The following LPIN2 variants were observed in gnomAD, a reference collection of about 807,000 sequenced individuals.
LPIN2 encodes the protein phosphatidate phosphatase LPIN2.
LPIN2 carries 55 observed loss-of-function variants against 111.4 expected under a neutral mutation model. The ratio of observed to expected loss-of-function variants is 0.49; its 90% confidence interval spans 0.40 to 0.62. LPIN2 has a LOEUF of 0.62. Ranked by LOEUF, LPIN2 falls within the 20% of genes least tolerant of loss-of-function variation. LPIN2 has a pLI of 0.00. For missense variants in LPIN2, 992 were observed against 1,112.1 expected (o/e 0.89, Z 1.54); for synonymous variants, 425 against 414.0 (o/e 1.03, Z -0.32).
intron 3 of LPIN2, among the ~76,000 whole-genome samples, chr18:2,953,354 G>T (rs537753720): frequency 8.2e-5 from 12 of 146,788 alleles, no homozygotes; most frequent in Middle Eastern, 3.5e-3. Flanking sequence ...ACAAAAAGTG[G>T]TTTTTTTTTT....
At chr18:2,988,371 T>G (rs1567855975) in intron 1 of LPIN2, among the ~76,000 whole-genome samples, 1 of 152,240 alleles carries the variant, frequency 6.6e-6, no homozygotes, top group African/African-American at 2.4e-5. Context: ...AATGCTATAC[T>G]TAAGTGTTAT....
intron 8 of LPIN2, 144 bp from the exon 9 acceptor site, chr18:2,931,587 T>G: frequency 1.3e-6 from 1 of 762,928 alleles, no homozygotes; most frequent in Middle Eastern, 3.5e-4. Context: ...TAACTTTTCT[T>G]AGATAGGGTT....
chr18:3,011,297 T>C (rs373422168), intron 1 of LPIN2, among the ~76,000 whole-genome samples: 2 of 152,224 alleles, frequency 1.3e-5, no homozygotes, highest in African/African-American at 2.4e-5. Flanking sequence ...TGCGTGCCTA[T>C]TGACTCTCGA....
chr18:2,934,453 GT>G lies in LPIN2; in HGVS notation c.1169-4del. The G allele has an allele frequency of 1.3e-6, 2 of 1,588,574 alleles. No individual in the cohort carries two copies. Among genetic ancestry groups the G allele is most frequent in the Non-Finnish European group, 1.7e-6 (2 of 1,157,546 alleles). On this transcript the variant is annotated splice_region_variant and splice_polypyrimidine_tract_variant and intron_variant, in intron 7 of 19. Coordinates refer to ENST00000677752, the MANE Select transcript of LPIN2 (RefSeq NM_001375808.2). ...GTGTTGGCTTCTTTTGTGAACACCT[GT>G]TTAAAAAAAAAATCAGAGGTAAGAA...
At chr18:3,011,413 G>A (rs180920550) in intron 1 of LPIN2, among the ~76,000 whole-genome samples, 133 of 152,136 alleles carry the variant, frequency 8.7e-4, no homozygotes, top group African/African-American at 2.8e-3. Flanking sequence ...TGGCTGGGGC[G>A]GTTGCTCACG....
chr18:2,972,968 T>C (rs896811597), intron 1 of LPIN2, among the ~76,000 whole-genome samples: 1 of 152,122 alleles, frequency 6.6e-6, no homozygotes, highest in Non-Finnish European at 1.5e-5. Flanking sequence ...GACTGGCAAA[T>C]AGAGAGAAAT....
intron 1 of LPIN2, among the ~76,000 whole-genome samples, chr18:2,992,754 C>T (rs535296156): frequency 2.0e-5 from 3 of 151,930 alleles, no homozygotes; most frequent in East Asian, 3.9e-4. Flanking sequence ...GAGGTCGAGG[C>T]GGGCAGATCA....
At chr18:2,958,181 A>C (rs868065688) in intron 2 of LPIN2, among the ~76,000 whole-genome samples, 18 of 147,092 alleles carry the variant, frequency 1.2e-4, no homozygotes, top group African/African-American at 4.0e-4. Context: ...AAACAGAAAA[A>C]AGAAAAAAAA....
rs1346728777 is a variant in LPIN2, at chr18:2,937,707, G to A, written c.1153C>T (p.Pro385Ser). The change falls in exon 7 of 20, where the codon CCG becomes TCG. Residue 385 changes from proline to serine, a missense_variant. Pro to Ser is a moderately conservative substitution (Grantham distance 74). Around this residue, in one of 4 missense-constraint regions of LPIN2, gnomAD observed 709 missense variants for 753.2 expected, o/e 0.94. Coordinates refer to ENST00000677752, the MANE Select transcript of LPIN2 (RefSeq NM_001375808.2). ...AAACGATTACCTTTCTTCTTTGACG[G>A]CGAGTCTACTTTAGCTGCCGGTTTG... ...ESKPAAKVDS[P>S]SKKKGVHKRS... 1 of 1,613,888 alleles carries A rather than the reference G, an allele frequency of 6.2e-7. No homozygotes were observed. Among genetic ancestry groups the A allele is most frequent in the African/African-American group, 1.3e-5 (1 of 74,892 alleles).
intron 4 of LPIN2, chr18:2,946,040 C>T: frequency 2.8e-6 from 4 of 1,405,498 alleles, no homozygotes; most frequent in African/African-American, 1.4e-5. Context: ...CTCTCTAGAC[C>T]CCGATATGTC....
chr18:2,952,909 ATGT>A (rs1296085872), intron 3 of LPIN2, among the ~76,000 whole-genome samples: 1 of 152,248 alleles, frequency 6.6e-6, no homozygotes, highest in Non-Finnish European at 1.5e-5. Flanking sequence ...CTTGAAAAGA[ATGT>A]TGATGACATA....
At chr18:2,997,376 CT>C (rs2078361892) in intron 1 of LPIN2, among the ~76,000 whole-genome samples, 1 of 68,538 alleles carries the variant, frequency 1.5e-5, no homozygotes, top group African/African-American at 3.4e-5. Flanking sequence ...ATCCACCCTC[CT>C]CAGCCTCCCA....
chr18:3,010,687 T>C lies in LPIN2; in HGVS notation c.-10+2400A>G, dbSNP rs8094046. 9.6e-3 allele frequency among the ~76,000 whole-genome samples: 1,459 copies of C among 152,264 alleles called. 21 individuals are homozygous for C. Among genetic ancestry groups the C allele is most frequent in the African/African-American group, 0.033 (1,372 of 41,530 alleles). The stretch of plus-strand genomic sequence containing the variant: ...TTAAAGAAAAGCCTCTTGATGTAAA[T>C]TGCTAAGCACCTACGGGAGATAACC... On this transcript the variant is annotated intron_variant, in intron 1 of 19. Transcript: ENST00000677752.
intron 1 of LPIN2, among the ~76,000 whole-genome samples, chr18:2,971,088 G>C (rs1392968628): frequency 2.0e-5 from 3 of 152,080 alleles, no homozygotes; most frequent in Non-Finnish European, 2.9e-5. Flanking sequence ...CTTAAGGAAG[G>C]ACCATAAACA....
At chr18:3,003,525 A>C (rs919839223) in intron 1 of LPIN2, among the ~76,000 whole-genome samples, 1 of 152,232 alleles carries the variant, frequency 6.6e-6, no homozygotes, top group Non-Finnish European at 1.5e-5. Context: ...ATCAGTTCCC[A>C]AAATTAATAC....
intron 1 of LPIN2, among the ~76,000 whole-genome samples, chr18:2,962,827 A>C (rs913716119): frequency 6.6e-6 from 1 of 152,240 alleles, no homozygotes; most frequent in Non-Finnish European, 1.5e-5. Context: ...CAAGAAAAAA[A>C]AAACATGTTA....
intron 2 of LPIN2, among the ~76,000 whole-genome samples, chr18:2,956,265 T>C (rs1249829960): frequency 6.6e-6 from 1 of 151,092 alleles, no homozygotes; most frequent in Non-Finnish European, 1.5e-5. Context: ...TGGATGGGAA[T>C]TGGAGGAACC....
chr18:2,990,894 C>T (rs1415886145), intron 1 of LPIN2: 1 of 539,826 alleles, frequency 1.9e-6, no homozygotes, highest in African/African-American at 1.9e-5. Flanking sequence ...GGGTCCTCCT[C>T]ATCCTGGTAT....
At chr18:2,955,983 C>G (rs1437833794) in intron 2 of LPIN2, among the ~76,000 whole-genome samples, 1 of 152,118 alleles carries the variant, frequency 6.6e-6, no homozygotes, top group Non-Finnish European at 1.5e-5. Flanking sequence ...AACATAACCA[C>G]ACTGAAGTGA....
Sources: allele counts gnomAD v4.1 joint callset (sites outside exome capture counted in the v4.1 genomes callset), GRCh38; gene constraint gnomAD v4.1.1; regional missense constraint gnomAD v4.1.1; transcripts MANE v1.5; gene names NCBI Gene and HGNC (gene_info 2026-07-23, HGNC 2026-07-21).